FBXL2: variants seen among roughly 807,000 people sequenced by gnomAD.
FBXL2 encodes F-box/LRR-repeat protein 2.
FBXL2 carries 38 observed loss-of-function variants against 69.2 expected under a neutral mutation model. The observed-to-expected ratio is 0.55, with a 90% CI of 0.42 to 0.72. FBXL2 has a LOEUF of 0.72. Ranked by LOEUF, FBXL2 falls within the 30% of genes least tolerant of loss-of-function variation. The pLI is 0.00. For missense variants in FBXL2, 354 were observed against 520.3 expected, an observed-to-expected ratio of 0.68 and a Z score of 3.11; for synonymous variants, 192 against 201.3, an observed-to-expected ratio of 0.95 and a Z score of 0.39.
chr3:33,317,642 C>A, intron 2 of FBXL2: 1 of 374,158 alleles, frequency 2.7e-6, no homozygotes, highest in Non-Finnish European at 5.4e-6. Flanking sequence ...CCATTCCATT[C>A]CCTATTTTGT....
the FBXL2 span, chr3:33,411,679 T>C: frequency 7.7e-4 from 1,235 of 1,613,504 alleles, 1 homozygote; most frequent in Non-Finnish European, 9.6e-4. Context: ...CCCACAGACA[T>C]TGGAATATCT....
chr3:33,330,935 ATATC>A (rs1274366814), intron 2 of FBXL2, among the ~76,000 whole-genome samples: 2 of 151,444 alleles, frequency 1.3e-5, no homozygotes, highest in East Asian at 1.9e-4. Context: ...ACACACAAAT[ATATC>A]TATATCATAT....
chr3:33,372,798 C>T (rs569451261), intron 5 of FBXL2: 1 of 507,686 alleles, frequency 2.0e-6, no homozygotes, highest in Admixed American at 3.4e-5. Context: ...TGATGACTCA[C>T]CAAGCTGTGG....
At chr3:33,305,995 C>A (rs2036679103) in intron 2 of FBXL2, among the ~76,000 whole-genome samples, 1 of 151,884 alleles carries the variant, frequency 6.6e-6, no homozygotes, top group Non-Finnish European at 1.5e-5. Flanking sequence ...TGGCTTCATT[C>A]TTTTCTATTG....
At chr3:33,331,932 A>T (rs2039197557) in intron 2 of FBXL2, among the ~76,000 whole-genome samples, 1 of 152,198 alleles carries the variant, frequency 6.6e-6, no homozygotes, top group Admixed American at 6.5e-5. Context: ...GGATTAGATG[A>T]TTTCTAAAGG....
At chr3:33,334,239 T>A (rs1377242844) in intron 2 of FBXL2, among the ~76,000 whole-genome samples, 1 of 152,176 alleles carries the variant, frequency 6.6e-6, no homozygotes, top group Non-Finnish European at 1.5e-5. Flanking sequence ...GTGACCCAGT[T>A]TTGGAATTTA....
intron 2 of FBXL2, chr3:33,317,736 A>G (rs1436608259): frequency 1.0e-5 from 3 of 290,804 alleles, no homozygotes; most frequent in Non-Finnish European, 6.9e-6. Flanking sequence ...ATTATTTTCC[A>G]TGACTACATC....
chr3:33,374,010 C>A, intron 9 of FBXL2, 89 bp downstream of exon 9: 1 of 1,215,122 alleles, frequency 8.2e-7, no homozygotes, highest in East Asian at 2.3e-5. Flanking sequence ...CCCCTAGGCA[C>A]CTGAGATGGG....
intron 2 of FBXL2, among the ~76,000 whole-genome samples, chr3:33,305,344 A>G (rs9813616): frequency 0.012 from 1,864 of 151,978 alleles, 34 homozygotes; most frequent in African/African-American, 0.042. Flanking sequence ...TGGATTATCA[A>G]TTTTTTCCAG....
intron 14 of FBXL2, 63 bp downstream of exon 14, chr3:33,384,264 A>G: frequency 1.3e-6 from 2 of 1,533,428 alleles, no homozygotes; most frequent in South Asian, 1.1e-5. Context: ...GAAAACATCA[A>G]GAATCAGACC....
Position 33,283,997 on chromosome 3 carries a change from C to T in FBXL2, c.3+6482C>T, listed in dbSNP as rs187688779. On this transcript the variant is annotated intron_variant, in intron 1 of 14. Transcript: ENST00000484457. Reference sequence around the variant, plus strand: ...AATTTTGTTGATCTTTTCAAAAAACCGACTCCTGGATTCTTTGATTTTTTT... The same window carrying T: ...AATTTTGTTGATCTTTTCAAAAAACTGACTCCTGGATTCTTTGATTTTTTT... Among the ~76,000 whole-genome samples, 573 of 152,174 alleles carry T rather than the reference C, an allele frequency of 3.8e-3. 1 individual carries two copies. The highest frequency in any genetic ancestry group is 6.9e-3 in the Non-Finnish European group (472 of 67,982).
At chr3:33,346,984 C>T (rs1219617425) in intron 2 of FBXL2, among the ~76,000 whole-genome samples, 1 of 152,148 alleles carries the variant, frequency 6.6e-6, no homozygotes, top group Non-Finnish European at 1.5e-5. Context: ...CAATTATACT[C>T]TTGTATGTTT....
intron 2 of FBXL2, among the ~76,000 whole-genome samples, chr3:33,351,714 C>T (rs1014966899): frequency 3.9e-5 from 6 of 151,972 alleles, no homozygotes; most frequent in South Asian, 2.1e-4. Flanking sequence ...AAAATGGTAC[C>T]GCCAGTTTAG....
At chr3:33,341,032 T>C (rs1453913706) in intron 2 of FBXL2, among the ~76,000 whole-genome samples, 1 of 152,170 alleles carries the variant, frequency 6.6e-6, no homozygotes, top group Non-Finnish European at 1.5e-5. Flanking sequence ...GAATGTTGAA[T>C]TTAGAATGTC....
At chr3:33,312,894 G>A (rs996279769) in intron 2 of FBXL2, among the ~76,000 whole-genome samples, 1 of 152,082 alleles carries the variant, frequency 6.6e-6, no homozygotes, top group African/African-American at 2.4e-5. Flanking sequence ...GCTGAGGCAG[G>A]TGGATTGCCT....
chr3:33,413,706 T>C, the FBXL2 span, among the ~76,000 whole-genome samples: 2 of 152,168 alleles, frequency 1.3e-5, no homozygotes, highest in Non-Finnish European at 2.9e-5. Flanking sequence ...ATTTTTTTCT[T>C]TGAGATAAAG....
intron 5 of FBXL2, among the ~76,000 whole-genome samples, chr3:33,365,199 C>A (rs2041872566): frequency 6.6e-6 from 1 of 151,888 alleles, no homozygotes; most frequent in Admixed American, 6.6e-5. Context: ...GTGATTTTTA[C>A]ATTAATTTTA....
rs1483502139 is a variant in FBXL2, at chr3:33,400,848, A to G, written n.1215-2386A>G. On this transcript the variant is annotated intron_variant and non_coding_transcript_variant, in intron 12 of 12. Transcript: ENST00000463736. ...AAATATCCTGACTCGATTACCACAC[A>G]TTACCATACATGTAACAAAACTTCT... 3 of 998,714 alleles carry G rather than the reference A, an allele frequency of 3.0e-6. No individual in the cohort carries two copies. In the Admixed American group the frequency reaches 7.7e-5, roughly 26 times the overall value. 61.9% of individuals were successfully genotyped at this position (998,714 alleles called of 1,614,324 possible).
chr3:33,359,141 A>G, intron 3 of FBXL2, 120 bp downstream of exon 3: 1 of 894,502 alleles, frequency 1.1e-6, no homozygotes, highest in African/African-American at 1.7e-5. Context: ...ACATAATGGT[A>G]TAATTTTGCA....
Sources: gnomAD v4.1 joint callset for allele counts (sites outside exome capture counted in the v4.1 genomes callset) on GRCh38, gnomAD v4.1.1 for gene constraint, MANE v1.5 for transcripts, NCBI Gene and HGNC (gene_info 2026-07-23, HGNC 2026-07-21) for gene names.